MAPT: variants seen among roughly 807,000 people sequenced by gnomAD.
The protein encoded by MAPT is microtubule-associated protein tau.
Under a neutral mutation model 67.9 loss-of-function variants are expected in MAPT, and 34 were observed. The observed-to-expected ratio is 0.50, with a 90% CI of 0.38 to 0.67. The LOEUF is 0.67. MAPT is among the 30% of genes least tolerant of loss of function. The pLI, the probability that MAPT is intolerant of heterozygous loss-of-function variation, is 0.00. For missense variants in MAPT, 881 were observed against 1,115.2 expected, an observed-to-expected ratio of 0.79 and a Z score of 2.99; for synonymous variants, 456 against 464.5, an observed-to-expected ratio of 0.98 and a Z score of 0.23.
At chr17:46,020,876 C>G (rs2076487176) in intron 12 of MAPT, among the ~76,000 whole-genome samples, 1 of 152,082 alleles carries the variant, frequency 6.6e-6, no homozygotes, top group South Asian at 2.1e-4. Context: ...ATCAGGGCGT[C>G]CCAGAAAGGG....
chr17:46,019,182 A>T (rs938475187), intron 12 of MAPT, among the ~76,000 whole-genome samples: 9 of 152,262 alleles, frequency 5.9e-5, no homozygotes, highest in African/African-American at 2.2e-4. Context: ...CATTTCTTAC[A>T]TGGCGACAGG....
chr17:45,977,989 C>T (rs1157391554), intron 3 of MAPT: 4 of 224,244 alleles, frequency 1.8e-5, no homozygotes, highest in African/African-American at 9.1e-5. Flanking sequence ...AAAGTCTTTC[C>T]TTGAACTTCC....
chr17:45,949,657 G>A (rs1451501102), intron 1 of MAPT, among the ~76,000 whole-genome samples: 1 of 152,126 alleles, frequency 6.6e-6, no homozygotes, highest in African/African-American at 2.4e-5. Context: ...AAGCCCCTGT[G>A]AGTGGCTCAT....
At chr17:45,912,597 C>T (rs915255710) in intron 1 of MAPT, among the ~76,000 whole-genome samples, 8 of 152,162 alleles carry the variant, frequency 5.3e-5, no homozygotes, top group African/African-American at 1.9e-4. Flanking sequence ...TTAGCTTCAA[C>T]CTAGTGATCC....
Position 45,996,939 on chromosome 17 carries a change from C to T in MAPT, c.1998+275C>T, listed in dbSNP as rs2074532464. Among the ~76,000 whole-genome samples the T allele has an allele frequency of 6.6e-6, 1 of 152,236 alleles. No homozygotes were observed. The highest frequency in any genetic ancestry group is 2.4e-5 in the African/African-American group (1 of 41,464). ...AGAGAACGTTCTGGCTCTTCTCTTG[C>T]CCCTTCAGCCCCTGTTAATCGGACA... On this transcript the variant is annotated intron_variant, in intron 9 of 12. Transcript: ENST00000262410. The surrounding 1 kb of genome is among the most constrained non-coding windows in gnomAD (Gnocchi z 4.5).
chr17:45,903,599 C>T (rs1222269602), intron 1 of MAPT, among the ~76,000 whole-genome samples: 1 of 147,116 alleles, frequency 6.8e-6, no homozygotes, highest in East Asian at 2.0e-4. Flanking sequence ...CCTGTAGTCC[C>T]AGCTACTCGA....
intron 9 of MAPT, chr17:45,999,706 G>T: frequency 6.7e-7 from 1 of 1,497,850 alleles, no homozygotes; most frequent in Non-Finnish European, 9.0e-7. Flanking sequence ...ACGTCACCAT[G>T]CTGGGTGGAG....
chr17:45,928,716 GAC>G (rs1353354489), intron 1 of MAPT, among the ~76,000 whole-genome samples: 1 of 152,034 alleles, frequency 6.6e-6, no homozygotes, highest in South Asian at 2.1e-4. Context: ...TGTTTTTTGA[GAC>G]AGAGTTTTGC....
At chr17:45,932,319 G>A (rs1484132031) in intron 1 of MAPT, among the ~76,000 whole-genome samples, 2 of 152,010 alleles carry the variant, frequency 1.3e-5, no homozygotes. Context: ...TGCCAGGCAC[G>A]GTGGCTCACG....
At chr17:45,951,690 A>G (rs555191722) in intron 1 of MAPT, among the ~76,000 whole-genome samples, 3 of 149,274 alleles carry the variant, frequency 2.0e-5, no homozygotes, top group African/African-American at 7.4e-5. Flanking sequence ...CCCTTCCCCC[A>G]CCCCGCCCCC....
At position 46,024,359 on chromosome 17, in the gene MAPT, TA is replaced by T. The variant is rs779485817; in HGVS notation, c.*190del. ...GGGACTTCAAAATCAGTGATGGGAG[TA>T]AGAGCAAATTTCATCTTTCCAAATT... is the stretch of plus-strand genomic sequence containing the variant. On this transcript the variant is annotated 3_prime_UTR_variant, in exon 13 of 13. Coordinates refer to ENST00000262410, the MANE Select transcript of MAPT (RefSeq NM_001377265.1). 46 of 620,046 alleles carry T rather than the reference TA, an allele frequency of 7.4e-5. No homozygotes were observed. The highest frequency in any genetic ancestry group is 1.2e-4 in the Non-Finnish European group (40 of 345,864). 38.4% of individuals were successfully genotyped at this position (620,046 alleles called of 1,614,324 possible).
chr17:45,920,590 C>T (rs767364285), intron 1 of MAPT, among the ~76,000 whole-genome samples: 3 of 152,214 alleles, frequency 2.0e-5, no homozygotes, highest in Non-Finnish European at 4.4e-5. Context: ...TGTTCAGTGG[C>T]TCAGCACTGC....
In MAPT at chr17:45,896,047, A is replaced by G. The variant is rs78720789; in HGVS notation, c.-18+1361A>G. ...GCTTTTATTCTGAGGGTGTTCAGTCAACCTCCCCCCTACGCCCATGCGCCT... is the reference window on the plus strand; with the variant it reads ...GCTTTTATTCTGAGGGTGTTCAGTCGACCTCCCCCCTACGCCCATGCGCCT... On this transcript the variant is annotated intron_variant, in intron 1 of 12. Transcript: ENST00000262410. This position sits in a 1 kb window ranked among gnomAD's most constrained non-coding sequence, Gnocchi z 5.6. 21,812 of 152,180 alleles carry G rather than the reference A, an allele frequency of 0.14. 2,128 individuals are homozygous for G. Among genetic ancestry groups the G allele is most frequent in the Middle Eastern group, 0.22 (64 of 294 alleles). 9.4% of individuals were successfully genotyped at this position (152,180 alleles called of 1,614,324 possible). A position where few individuals can be genotyped will look rare whatever the true frequency, so the allele number is the denominator to read the frequency against.
At position 46,018,539 on chromosome 17, in the gene MAPT, A is replaced by G; in HGVS notation, c.2174-79A>G. 4.7e-6 allele frequency: 5 copies of G among 1,074,074 alleles called. No homozygotes were observed. In the South Asian group the frequency reaches 6.2e-5, roughly 13 times the overall value. The allele number at this position is 1,074,074 out of a possible 1,614,324, so 66.5% of individuals were successfully genotyped here. A position where few individuals can be genotyped will look rare whatever the true frequency, so the allele number is the denominator to read the frequency against. On this transcript the variant is annotated intron_variant, in intron 11 of 12. Transcript: ENST00000262410. ...CCTGGCACTTTGCCCTGTAGACTGC[A>G]GACCTCATGTAATGTATGTTAAGTC...
rs1289878800 is a variant in MAPT, at chr17:45,996,469, C to T, written c.1803C>T (p.Arg601=). 1 of 1,613,016 alleles carries T rather than the reference C, an allele frequency of 6.2e-7. No individual in the cohort carries two copies. The highest frequency in any genetic ancestry group is 1.1e-5 in the South Asian group (1 of 91,082). ...SPGSPGTPGS[R]SRTPSLPTPP... is the part of the protein sequence containing the mutation. ...GCTCCCCAGGCACTCCCGGCAGCCG[C>T]TCCCGCACCCCGTCCCTTCCAACCC... The change falls in exon 9 of 13, where the codon CGC becomes CGT. Residue 601 remains arginine, a synonymous_variant. Coordinates refer to ENST00000262410, the MANE Select transcript of MAPT (RefSeq NM_001377265.1). This position sits in a 1 kb window ranked among gnomAD's most constrained non-coding sequence, Gnocchi z 4.5.
intron 6 of MAPT, 139 bp from the exon 7 acceptor site, chr17:45,989,739 C>A: frequency 2.7e-6 from 2 of 746,196 alleles, no homozygotes; most frequent in South Asian, 1.5e-5. Flanking sequence ...ATTAAGGGTA[C>A]CTGATTCAAA....
chr17:46,019,067 C>T (rs1015923075), intron 12 of MAPT, among the ~76,000 whole-genome samples: 1 of 152,122 alleles, frequency 6.6e-6, no homozygotes, highest in African/African-American at 2.4e-5. Context: ...TAAAGACATA[C>T]CCAAGACTGG....
intron 1 of MAPT, among the ~76,000 whole-genome samples, chr17:45,902,233 G>A (rs186493607): frequency 4.6e-4 from 70 of 152,152 alleles, no homozygotes; most frequent in African/African-American, 1.2e-3. Context: ...CATAATGCTC[G>A]GCTGATTTTT....
At chr17:45,963,822 T>G (rs1051072668) in intron 2 of MAPT, among the ~76,000 whole-genome samples, 4 of 152,118 alleles carry the variant, frequency 2.6e-5, no homozygotes, top group Non-Finnish European at 5.9e-5. Flanking sequence ...CATCCCAGCT[T>G]GGAGAGGTTC....
Sources: gnomAD v4.1 joint callset for allele counts (sites outside exome capture counted in the v4.1 genomes callset) on GRCh38, gnomAD v4.1.1 for gene constraint, Gnocchi (gnomAD v3.1) non-coding constraint, MANE v1.5 for transcripts, NCBI Gene and HGNC (gene_info 2026-07-23, HGNC 2026-07-21) for gene names.